SLC6A9: variants seen among roughly 807,000 people sequenced by gnomAD.
SLC6A9 encodes the protein sodium- and chloride-dependent glycine transporter 1.
Under a neutral mutation model 70.9 loss-of-function variants are expected in SLC6A9, and 31 were observed. The observed-to-expected ratio is 0.44, with a 90% CI of 0.33 to 0.59. SLC6A9 has a LOEUF of 0.59. Ranked by LOEUF, SLC6A9 falls within the 20% of genes least tolerant of loss-of-function variation. The pLI, the probability that SLC6A9 is intolerant of heterozygous loss-of-function variation, is 0.04. For synonymous variants in SLC6A9, 310 were observed against 341.3 expected, an observed-to-expected ratio of 0.91 and a Z score of 1.01; for missense variants, 631 against 845.2, an observed-to-expected ratio of 0.75 and a Z score of 3.14.
chr1:44,019,630 CT>C (rs2086843573), intron 2 of SLC6A9, among the ~76,000 whole-genome samples: 1 of 152,286 alleles, frequency 6.6e-6, no homozygotes, highest in African/African-American at 2.4e-5. Flanking sequence ...GGCTGGACGG[CT>C]TTCCCTGGCT....
chr1:44,008,689 TTC>T (rs2086418546), intron 4 of SLC6A9, 66 bp from the exon 5 acceptor site: 1 of 1,277,984 alleles, frequency 7.8e-7, no homozygotes, highest in Non-Finnish European at 1.1e-6. Flanking sequence ...GGTTAATAAT[TTC>T]TTTTTTTTCT....
chr1:44,002,815 C>T lies in SLC6A9; in HGVS notation c.723+38G>A, dbSNP rs1164229552. 2.5e-6 allele frequency: 4 copies of T among 1,612,448 alleles called. No individual in the cohort carries two copies. The highest frequency in any genetic ancestry group is 3.4e-6 in the Non-Finnish European group (4 of 1,178,844). The stretch of plus-strand genomic sequence containing the variant: ...AACCCAGGTAGGGGGCAGGGTCTTT[C>T]TGGGTGGGCACAGACCCTGCTGGGG... On this transcript the variant is annotated intron_variant, in intron 6 of 13. Transcript: ENST00000372310. The surrounding 1 kb of genome is among the most constrained non-coding windows in gnomAD (Gnocchi z 5.5).
At position 43,997,532 on chromosome 1, in the gene SLC6A9, CT is replaced by C. The variant is rs778032750; in HGVS notation, c.*12del. On this transcript the variant is annotated 3_prime_UTR_variant, in exon 14 of 14. Coordinates refer to ENST00000372310, the MANE Select transcript of SLC6A9 (RefSeq NM_001024845.3). The surrounding 1 kb of genome is among the most constrained non-coding windows in gnomAD (Gnocchi z 4.4). ...ACGGGGTGGGGGTGGGGCCACTCCCCTGGCAGCTGTGCTCATATCCGGGAGT... is the reference window on the plus strand; with the variant it reads ...ACGGGGTGGGGGTGGGGCCACTCCCCGGCAGCTGTGCTCATATCCGGGAGT... The C allele has an allele frequency of 6.2e-7, 1 of 1,611,188 alleles. No homozygotes were observed. The highest frequency in any genetic ancestry group is 1.3e-5 in the African/African-American group (1 of 74,948).
At chr1:44,030,012 A>G (rs1041156759) in intron 1 of SLC6A9, among the ~76,000 whole-genome samples, 3 of 152,172 alleles carry the variant, frequency 2.0e-5, no homozygotes, top group Non-Finnish European at 4.4e-5. Flanking sequence ...TTTGTGCGGA[A>G]GCTGTCAGCG....
intron 2 of SLC6A9, among the ~76,000 whole-genome samples, chr1:44,016,745 C>T (rs1288528085): frequency 6.6e-6 from 1 of 152,182 alleles, no homozygotes; most frequent in African/African-American, 2.4e-5. Flanking sequence ...CGGCCCGTCT[C>T]CCCGGGAGCT....
rs546503793 is a variant in SLC6A9 at position 44,029,814 on chromosome 1, T to G, written c.-86+1492A>C. 2.7e-4 allele frequency among the ~76,000 whole-genome samples: 41 copies of G among 152,330 alleles called. No individual in the cohort carries two copies. The South Asian group carries it at 8.1e-3, about 30-fold the overall frequency. ...TGCGGTCCTTGGAAACACTTGGGCA[T>G]GCTCAGTGTCGCCCATTAGTCCCTA... On this transcript the variant is annotated intron_variant, in intron 1 of 13. Transcript: ENST00000372310.
intron 1 of SLC6A9, among the ~76,000 whole-genome samples, chr1:44,027,190 G>A (rs1177829889): frequency 6.6e-6 from 1 of 152,080 alleles, no homozygotes; most frequent in Non-Finnish European, 1.5e-5. Flanking sequence ...AAGCAGTAGT[G>A]GGTCACAGAG....
chr1:44,024,402 G>C lies in SLC6A9; in HGVS notation c.-85-40C>G. The C allele has an allele frequency of 4.0e-6, 5 of 1,235,950 alleles. No homozygotes were observed. In the South Asian group the frequency reaches 4.9e-5, roughly 12 times the overall value. The allele number at this position is 1,235,950 out of a possible 1,614,324, so 76.6% of individuals were successfully genotyped here. On this transcript the variant is annotated intron_variant, in intron 1 of 13. Coordinates refer to ENST00000372310, the MANE Select transcript of SLC6A9 (RefSeq NM_001024845.3). ...GAGGGTGAGGTGAGGACTTGGCCGT[G>C]TGGCCCACAGGGCTCTCCAGACAGG...
chr1:44,024,380 G>A lies in SLC6A9; in HGVS notation c.-85-18C>T, dbSNP rs199708348. ...CTCAAGAGCTGTGGAGAGAGCAGAG[G>A]GTGAGGTGAGGACTTGGCCGTGTGG... On this transcript the variant is annotated intron_variant, in intron 1 of 13. Coordinates refer to ENST00000372310, the MANE Select transcript of SLC6A9 (RefSeq NM_001024845.3). 1 of 1,441,674 alleles carries A rather than the reference G, an allele frequency of 6.9e-7. No homozygotes were observed. The allele number at this position is 1,441,674 out of a possible 1,614,324, so 89.3% of individuals were successfully genotyped here.
chr1:44,022,405 G>A (rs559664656), intron 2 of SLC6A9, among the ~76,000 whole-genome samples: 1 of 152,246 alleles, frequency 6.6e-6, no homozygotes, highest in South Asian at 2.1e-4. Context: ...AGGAAAGGTG[G>A]GGCCATGTTT....
Position 43,997,786 on chromosome 1 carries a change from G to C in SLC6A9, c.1708-47C>G. 1 of 1,590,218 alleles carries C rather than the reference G, an allele frequency of 6.3e-7. No homozygotes were observed. The highest frequency in any genetic ancestry group is 2.2e-5 in the East Asian group (1 of 44,582). On this transcript the variant is annotated intron_variant, in intron 13 of 13. Coordinates refer to ENST00000372310, the MANE Select transcript of SLC6A9 (RefSeq NM_001024845.3). The surrounding 1 kb of genome is among the most constrained non-coding windows in gnomAD (Gnocchi z 4.4). ...CACAGGGGCAGGGCACGTCAGGAGG[G>C]AGCCCTTAAGCCCCTTCCAGCTGGC...
chr1:43,999,123 T>C (rs2154304210), intron 12 of SLC6A9, among the ~76,000 whole-genome samples: 1 of 152,160 alleles, frequency 6.6e-6, no homozygotes, highest in African/African-American at 2.4e-5. Context: ...TTATAACAGG[T>C]TTCCTGAATG....
At position 44,002,750 on chromosome 1, in the gene SLC6A9, C is replaced by T; in HGVS notation, c.723+103G>A. The T allele has an allele frequency of 6.3e-7, 1 of 1,594,628 alleles. No individual in the cohort carries two copies. The highest frequency in any genetic ancestry group is 1.1e-5 in the South Asian group (1 of 90,096). ...CCAGCCCCCTGGTCCCTCTCCGGCT[C>T]CGGAGTCCCTTCAGCATCCCCTCCC... On this transcript the variant is annotated intron_variant, in intron 6 of 13. Transcript: ENST00000372310. The surrounding 1 kb of genome is among the most constrained non-coding windows in gnomAD (Gnocchi z 5.5).
At chr1:44,011,872 C>T (rs933422182) in intron 2 of SLC6A9, 7 of 678,736 alleles carry the variant, frequency 1.0e-5, no homozygotes, top group Non-Finnish European at 1.8e-5. Flanking sequence ...GGAACTGGCT[C>T]TGCAAGTCCC....
At chr1:44,024,546 C>T (rs2086947487) in intron 1 of SLC6A9, among the ~76,000 whole-genome samples, 184 bp from the exon 2 acceptor site, 4 of 152,264 alleles carry the variant, frequency 2.6e-5, no homozygotes, top group Non-Finnish European at 5.9e-5. Flanking sequence ...AACCTTTCCC[C>T]TGGATCTCTT....
In SLC6A9 at chr1:44,018,630, T is replaced by C. The variant is rs1045821784; in HGVS notation, c.30+5618A>G. On this transcript the variant is annotated intron_variant, in intron 2 of 13. Transcript: ENST00000372310. The surrounding 1 kb of genome is among the most constrained non-coding windows in gnomAD (Gnocchi z 4.2). The stretch of plus-strand genomic sequence containing the variant: ...ATAATAATAATAATAATAATAATAA[T>C]AATAATAAATAAAAATAAAAAGACA... 6.9e-6 allele frequency among the ~76,000 whole-genome samples: 1 copy of C among 145,754 alleles called. No homozygotes were observed. Among genetic ancestry groups the C allele is most frequent in the Admixed American group, 6.9e-5 (1 of 14,444 alleles).
chr1:44,017,658 G>C (rs2086797024), intron 2 of SLC6A9, among the ~76,000 whole-genome samples: 1 of 152,220 alleles, frequency 6.6e-6, no homozygotes, highest in East Asian at 1.9e-4. Context: ...CCAAGCCCTA[G>C]GGCTGTACCT....
At chr1:44,017,901 G>A (rs1408666144) in intron 2 of SLC6A9, among the ~76,000 whole-genome samples, 1 of 152,260 alleles carries the variant, frequency 6.6e-6, no homozygotes, top group East Asian at 1.9e-4. Context: ...CAGAAGCTGA[G>A]GTGCTAGTCT....
chr1:44,010,139 G>A (rs762275970), intron 3 of SLC6A9, 43 bp from the exon 4 acceptor site: 14 of 1,609,298 alleles, frequency 8.7e-6, no homozygotes, highest in Non-Finnish European at 1.2e-5. Context: ...GGGCTTGGAG[G>A]GATCTCACCC....
Sources: gnomAD v4.1 joint callset for allele counts (sites outside exome capture counted in the v4.1 genomes callset) on GRCh38, gnomAD v4.1.1 for gene constraint, Gnocchi (gnomAD v3.1) non-coding constraint, MANE v1.5 for transcripts, NCBI Gene and HGNC (gene_info 2026-07-23, HGNC 2026-07-21) for gene names.